The following MASP1 variants were observed in gnomAD, a reference collection of about 807,000 sequenced individuals.
MASP1 encodes mannan-binding lectin serine protease 1.
In MASP1, 59 loss-of-function variants were observed where a neutral mutation model predicts 77.1. That is an observed-to-expected ratio of 0.77 (90% CI 0.62 to 0.95). The LOEUF is 0.95. Among genes scored for constraint, MASP1 ranks in the 40% least tolerant of loss-of-function variants. MASP1 has a pLI of 0.00. For missense variants in MASP1, 885 were observed against 912.9 expected (o/e 0.97, Z 0.39); for synonymous variants, 362 against 354.5 (o/e 1.02, Z -0.24).
intron 14 of MASP1, among the ~76,000 whole-genome samples, chr3:187,222,828 A>G (rs1207109855): frequency 6.6e-6 from 1 of 152,118 alleles, no homozygotes; most frequent in East Asian, 1.9e-4. Flanking sequence ...CTGGATTGTC[A>G]CCATGGGGGT....
rs1716300867 is a variant in MASP1 at position 187,269,056 on chromosome 3, CA to C, written c.238-6337del. Among the ~76,000 whole-genome samples the C allele has an allele frequency of 2.2e-5, 3 of 136,528 alleles. No individual in the cohort carries two copies. In the Admixed American group the frequency reaches 2.3e-4, roughly 10 times the overall value. The allele number at this position is 136,528 out of a possible 152,430, so 89.6% of individuals were successfully genotyped here. The stretch of plus-strand genomic sequence containing the variant: ...TTCCAGCCTGGGCAACAGAGCAAGA[CA>C]CTGTCTCAAAAAAAAAAAAAAAAAG... On this transcript the variant is annotated intron_variant, in intron 2 of 10. Transcript: ENST00000296280.
intron 1 of MASP1, 97 bp from the exon 2 acceptor site, chr3:187,286,153 C>T (rs1404778319): frequency 1.0e-6 from 1 of 979,758 alleles, no homozygotes; most frequent in Non-Finnish European, 1.6e-6. Flanking sequence ...CAGCATGTCT[C>T]TGTCTCTGGC....
chr3:187,262,637 G>A lies in MASP1; in HGVS notation c.321C>T (p.Val107=). The A allele has an allele frequency of 6.2e-7, 1 of 1,614,074 alleles. No homozygotes were observed. The highest frequency in any genetic ancestry group is 8.5e-7 in the Non-Finnish European group (1 of 1,179,984). The change falls in exon 3 of 11, where the codon GTC becomes GTT. Residue 107 remains valine (V), a synonymous_variant. Transcript: ENST00000296280. ...DTEQTPGQEV[V]LSPGSFMSIT... ...TGGACATGAAGGAGCCAGGGGAGAG[G>A]ACCACCTCCTGGCCGGGAGTCTGCT...
intron 1 of MASP1, chr3:187,291,307 G>A (rs985573085): frequency 2.1e-6 from 1 of 470,652 alleles, no homozygotes; most frequent in Non-Finnish European, 3.9e-6. Context: ...AATCAGCCTT[G>A]TGGGTGAACA....
At chr3:187,219,719 C>T (rs1432978655) in exon 16 of MASP1, 1 of 362,520 alleles carries the variant, frequency 2.8e-6, no homozygotes, top group African/African-American at 2.1e-5. Flanking sequence ...CTGTTAAGTG[C>T]TATGCATCTA....
exon 16 of MASP1, chr3:187,219,667 C>A: frequency 3.7e-6 from 1 of 267,460 alleles, no homozygotes; most frequent in South Asian, 4.4e-5. Context: ...CATCGACCTT[C>A]TGCTAAGGTG....
intron 9 of MASP1, 49 bp from the exon 10 acceptor site, chr3:187,241,604 G>GGGA: frequency 4.1e-6 from 5 of 1,211,518 alleles, no homozygotes; most frequent in Non-Finnish European, 6.1e-6. Context: ...TGGTTGATTT[G>GGGA]TAACACATGG....
intron 6 of MASP1, among the ~76,000 whole-genome samples, 189 bp downstream of exon 6, chr3:187,252,979 C>T (rs1714747016): frequency 6.6e-6 from 1 of 152,184 alleles, no homozygotes; most frequent in South Asian, 2.1e-4. Flanking sequence ...ATTATTGTTG[C>T]CCTTGCCCCC....
rs1489211777 is a variant in MASP1 at position 187,253,149 on chromosome 3, C to T, written c.892+19G>A. On this transcript the variant is annotated intron_variant, in intron 6 of 10. Transcript: ENST00000296280. ...GCTAAGCACAGCAGCTCGGTGTGAC[C>T]TGGGAGGGAAGAGGTTACCTGCAGC... 2 of 1,613,280 alleles carry T rather than the reference C, an allele frequency of 1.2e-6. No homozygotes were observed. Among genetic ancestry groups the T allele is most frequent in the Admixed American group, 1.7e-5 (1 of 60,008 alleles).
intron 1 of MASP1, among the ~76,000 whole-genome samples, chr3:187,288,293 G>C (rs1177763634): frequency 6.6e-6 from 1 of 152,188 alleles, no homozygotes; most frequent in Non-Finnish European, 1.5e-5. Context: ...TAGTTGGAAA[G>C]CTGAGTCAAA....
At chr3:187,243,735 A>G (rs1713850453) in intron 8 of MASP1, 114 bp from the exon 9 acceptor site, 9 of 1,349,114 alleles carry the variant, frequency 6.7e-6, no homozygotes, top group Non-Finnish European at 9.5e-6. Flanking sequence ...AATTCCAGAA[A>G]GCAATGTTAT....
intron 5 of MASP1, 30 bp from the exon 6 acceptor site, chr3:187,253,345 T>C (rs548708534): frequency 6.2e-6 from 10 of 1,603,350 alleles, no homozygotes; most frequent in Middle Eastern, 1.7e-4. Flanking sequence ...GAGAGAGAAA[T>C]AGAGTGTTCC....
intron 9 of MASP1, chr3:187,243,282 G>C: frequency 1.6e-6 from 1 of 625,608 alleles, no homozygotes. Flanking sequence ...TTTTGAGACT[G>C]TTTCTGCATC....
intron 11 of MASP1, among the ~76,000 whole-genome samples, chr3:187,228,298 A>T (rs2108505339): frequency 6.6e-6 from 1 of 152,120 alleles, no homozygotes; most frequent in Non-Finnish European, 1.5e-5. Context: ...AAAAAAAAAA[A>T]AAAAATCAAG....
At chr3:187,250,353 A>G in intron 7 of MASP1, 24 bp from the exon 8 acceptor site, 1 of 1,564,496 alleles carries the variant, frequency 6.4e-7, no homozygotes, top group Non-Finnish European at 8.8e-7. Context: ...GGAAGAAGGG[A>G]GTGGGAAGAA....
In MASP1 at chr3:187,236,397, T is replaced by C. The variant is rs754639760; in HGVS notation, c.1474A>G (p.Ile492Val). The change falls in exon 11 of 11, where the codon ATC (isoleucine) becomes GTC (valine). Residue 492 changes from isoleucine to valine, a missense_variant. Ile to Val is a conservative substitution (Grantham distance 29). Coordinates refer to ENST00000296280, the MANE Select transcript of MASP1 (RefSeq NM_139125.4). Reference protein sequence around the residue: ...GSGALLSASWILTAAHVLRSQ... With the variant: ...GSGALLSASWVLTAAHVLRSQ... ...CGCAGCACATGAGCTGCTGTGAGGATCCAGGACGCAGAGAGCAGGGCCCCA... is the reference window on the plus strand; with the variant it reads ...CGCAGCACATGAGCTGCTGTGAGGACCCAGGACGCAGAGAGCAGGGCCCCA... 11 of 1,614,150 alleles carry C rather than the reference T, an allele frequency of 6.8e-6. No homozygotes were observed. Among genetic ancestry groups the C allele is most frequent in the Non-Finnish European group, 8.5e-6 (10 of 1,180,024 alleles).
At position 187,235,936 on chromosome 3, in the gene MASP1, C is replaced by G. The variant is rs762209739; in HGVS notation, c.1935G>C (p.Glu645Asp). The G allele has an allele frequency of 1.9e-6, 3 of 1,614,232 alleles. No individual in the cohort carries two copies. Among genetic ancestry groups the G allele is most frequent in the Non-Finnish European group, 2.5e-6 (3 of 1,180,038 alleles). ...ESRSGNYSVT[E>D]NMFCAGYYEG... Reference sequence around the variant, plus strand: ...CGTAGTAGCCAGCACAGAACATGTTCTCCGTGACGCTGTAATTGCCCGAGC... The same window carrying G: ...CGTAGTAGCCAGCACAGAACATGTTGTCCGTGACGCTGTAATTGCCCGAGC... The change falls in exon 11 of 11, where the codon GAG becomes GAC. Residue 645 changes from glutamate (E) to aspartate (D), a missense_variant. By Grantham distance (45) the Glu-to-Asp change is conservative. Transcript: ENST00000296280.
chr3:187,290,520 G>C (rs1447775567), intron 1 of MASP1, among the ~76,000 whole-genome samples: 1 of 152,074 alleles, frequency 6.6e-6, no homozygotes, highest in Admixed American at 6.6e-5. Context: ...TTTAATGGCA[G>C]GTTTAAAATT....
intron 8 of MASP1, among the ~76,000 whole-genome samples, chr3:187,248,107 T>C (rs1190639700): frequency 6.6e-6 from 1 of 152,198 alleles, no homozygotes; most frequent in Non-Finnish European, 1.5e-5. Flanking sequence ...GCAAAGATGC[T>C]GGGTATGACT....
Sources: gnomAD v4.1 joint callset for allele counts (sites outside exome capture counted in the v4.1 genomes callset) on GRCh38, gnomAD v4.1.1 for gene constraint, MANE v1.5 for transcripts, NCBI Gene and HGNC (gene_info 2026-07-23, HGNC 2026-07-21) for gene names.